NACC2: variants seen among roughly 807,000 people sequenced by gnomAD.
NACC2 encodes nucleus accumbens-associated protein 2.
A neutral mutation model predicts 25.1 loss-of-function variants in NACC2; 8 were observed. The observed-to-expected ratio is 0.32, with a 90% confidence interval of 0.19 to 0.57. The LOEUF is 0.57. NACC2 is among the 20% of genes least tolerant of loss of function. The pLI, the probability that NACC2 is intolerant of heterozygous loss-of-function variation, is 0.89. For missense variants in NACC2, 644 were observed against 650.2 expected, an observed-to-expected ratio of 0.99 and a Z score of 0.10; for synonymous variants, 435 against 294.7, an observed-to-expected ratio of 1.48 and a Z score of -4.88.
chr9:136,056,118 G>A lies in NACC2; in HGVS notation c.-59-5538C>T, dbSNP rs890964198. On this transcript the variant is annotated intron_variant, in intron 1 of 5. Coordinates refer to ENST00000277554, the MANE Select transcript of NACC2 (RefSeq NM_144653.5). ...AGGACAAGGGGGCGGCAGGGGGCCC[G>A]GAGGTTAACCCTGGGGGGTAGAGGC... Among the ~76,000 whole-genome samples, 11 of 152,148 alleles carry A rather than the reference G, an allele frequency of 7.2e-5. No homozygotes were observed. The East Asian group carries it at 8.0e-4, about 11-fold the overall frequency.
intron 1 of NACC2, among the ~76,000 whole-genome samples, chr9:136,093,125 C>T (rs1382061438): frequency 6.6e-6 from 1 of 152,122 alleles, no homozygotes; most frequent in East Asian, 1.9e-4. Context: ...CTCAACATCC[C>T]GAAAAGGACA....
intron 2 of NACC2, among the ~76,000 whole-genome samples, chr9:136,026,343 C>CAAAAAAAAAAAAAAAAAAAA (rs34514433): frequency 2.2e-5 from 1 of 45,544 alleles, no homozygotes; most frequent in Admixed American, 2.8e-4. Flanking sequence ...AACTCCATCT[C>CAAAAAAAAAAAAAAAAAAAA]AAAAAAAAAA....
chr9:136,011,761 C>T lies in NACC2; in HGVS notation c.1519G>A (p.Val507Met), dbSNP rs889531237. ...AERRGDAATI[V>M]ALRTDAVNVD... ...TTCACGGCGTCAGTTCTCAGAGCCA[C>T]GATGGTGGCGGCGTCGCCCCGCCGC... The change falls in exon 6 of 6, where the codon GTG becomes ATG. Residue 507 changes from valine to methionine, a missense_variant. Val to Met is a conservative substitution (Grantham distance 21). Coordinates refer to ENST00000277554, the MANE Select transcript of NACC2 (RefSeq NM_144653.5). The T allele has an allele frequency of 1.1e-5, 17 of 1,539,758 alleles. No individual in the cohort carries two copies. In the African/African-American group the frequency reaches 1.9e-4, roughly 18 times the overall value.
chr9:136,060,899 A>C lies in NACC2; in HGVS notation c.-59-10319T>G, dbSNP rs1025840447. On this transcript the variant is annotated intron_variant, in intron 1 of 5. Transcript: ENST00000277554. ...CTCTGCATCCAGGAAGCCCCCCAAC[A>C]CAGCCAGTCCCTGAGAGACTGGGTA... Among the ~76,000 whole-genome samples, 13 of 151,958 alleles carry C rather than the reference A, an allele frequency of 8.6e-5. No individual in the cohort carries two copies. The East Asian group carries it at 2.5e-3, about 29-fold the overall frequency.
At chr9:136,014,203 G>T (rs530097458) in intron 3 of NACC2, among the ~76,000 whole-genome samples, 1 of 152,220 alleles carries the variant, frequency 6.6e-6, no homozygotes, top group Admixed American at 6.5e-5. Context: ...TAAGCAGGGG[G>T]TGGGGAAAGC....
chr9:136,090,440 C>T (rs1042244094), intron 1 of NACC2, among the ~76,000 whole-genome samples: 7 of 152,184 alleles, frequency 4.6e-5, no homozygotes, highest in South Asian at 2.1e-4. Flanking sequence ...GCCCACTGGG[C>T]GGAAGCCCCA....
At chr9:136,054,865 C>T (rs1840901081) in intron 1 of NACC2, among the ~76,000 whole-genome samples, 1 of 152,152 alleles carries the variant, frequency 6.6e-6, no homozygotes, top group Non-Finnish European at 1.5e-5. Context: ...CACCAACGAC[C>T]CTTGCTCTCA....
In NACC2 at chr9:136,007,514, CACACACAG is replaced by C. The variant is rs56335898; in HGVS notation, c.*3994_*4001del. The C allele has an allele frequency of 0.42, 34,187 of 80,476 alleles. 4,735 individuals are homozygous for C. The highest frequency in any genetic ancestry group is 0.54 in the Non-Finnish European group (21,333 of 39,736). 5.0% of individuals were successfully genotyped at this position (80,476 alleles called of 1,614,324 possible). On this transcript the variant is annotated 3_prime_UTR_variant, in exon 6 of 6. Transcript: ENST00000277554. ...ACAGACACACACATGCACAGACGCGCACACACAGACGCACAGACGTGCACACACAGACA... is the reference window on the plus strand; with the variant it reads ...ACAGACACACACATGCACAGACGCGCACGCACAGACGTGCACACACAGACA...
intron 1 of NACC2, among the ~76,000 whole-genome samples, chr9:136,083,621 G>C (rs1041314966): frequency 2.0e-5 from 3 of 152,166 alleles, no homozygotes; most frequent in African/African-American, 7.2e-5. Flanking sequence ...GCCGAGACTG[G>C]CACGAGACGG....
intron 1 of NACC2, among the ~76,000 whole-genome samples, chr9:136,067,752 T>C (rs1206392823): frequency 1.3e-5 from 2 of 152,148 alleles, no homozygotes; most frequent in African/African-American, 4.8e-5. Context: ...GGAGAATCAC[T>C]TGAACCCGGG....
rs1202872358 is a variant in NACC2, at chr9:136,049,896, ACCGCAGCCC to A, written c.617_625del (p.Gly206_Ala208del). The A allele has an allele frequency of 5.5e-5, 32 of 584,916 alleles. No individual in the cohort carries two copies. Among genetic ancestry groups the A allele is most frequent in the Non-Finnish European group, 8.9e-5 (29 of 325,058 alleles). 36.2% of individuals were successfully genotyped at this position (584,916 alleles called of 1,614,324 possible). On this transcript the variant is annotated inframe_deletion, in exon 2 of 6. Coordinates refer to ENST00000277554, the MANE Select transcript of NACC2 (RefSeq NM_144653.5). ...TTTGAGAGGGGCTGTGCCCGCCGCCACCGCAGCCCCCGCGGCCACCGCCACGCCGTCCCG... is the reference window on the plus strand; with the variant it reads ...TTTGAGAGGGGCTGTGCCCGCCGCCACCGCGGCCACCGCCACGCCGTCCCG...
At chr9:136,092,947 G>A (rs192498945) in intron 1 of NACC2, among the ~76,000 whole-genome samples, 6 of 152,310 alleles carry the variant, frequency 3.9e-5, no homozygotes, top group South Asian at 2.1e-4. Context: ...GGCAGCCTGG[G>A]GACAGTGTGT....
At position 136,060,383 on chromosome 9, in the gene NACC2, C is replaced by T. The variant is rs117162508; in HGVS notation, c.-59-9803G>A. 5.9e-4 allele frequency among the ~76,000 whole-genome samples: 90 copies of T among 152,320 alleles called. 1 individual carries two copies. In the East Asian group the frequency reaches 0.014, roughly 23 times the overall value. On this transcript the variant is annotated intron_variant, in intron 1 of 5. Transcript: ENST00000277554. ...AGCCGGGGCCATAAAAGGTAATTAC[C>T]GATATGAAAAATAAAGACCATAAAT...
At chr9:136,087,599 G>A (rs1830391780) in intron 1 of NACC2, among the ~76,000 whole-genome samples, 1 of 152,222 alleles carries the variant, frequency 6.6e-6, no homozygotes. Context: ...CCTTGGGCTG[G>A]CCCTAGACCT....
At chr9:136,041,739 G>GAACGTGTACTTTA (rs1840636005) in intron 2 of NACC2, among the ~76,000 whole-genome samples, 2 of 152,158 alleles carry the variant, frequency 1.3e-5, no homozygotes, top group South Asian at 4.1e-4. Context: ...TTAAACAGAT[G>GAACGTGTACTTTA]AACAGTATGG....
chr9:136,078,602 T>C (rs1465038925), intron 1 of NACC2, among the ~76,000 whole-genome samples: 1 of 152,148 alleles, frequency 6.6e-6, no homozygotes, highest in African/African-American at 2.4e-5. Context: ...AATGTACTCC[T>C]AGGCCATAAA....
At chr9:136,046,838 G>C (rs1840732953) in intron 2 of NACC2, among the ~76,000 whole-genome samples, 1 of 152,200 alleles carries the variant, frequency 6.6e-6, no homozygotes, top group Non-Finnish European at 1.5e-5. Flanking sequence ...CAGACCATGG[G>C]GCGGGGGCTG....
chr9:136,006,586 G>A lies in NACC2; in HGVS notation c.*4930C>T, dbSNP rs996699678. 10 of 152,238 alleles carry A rather than the reference G, an allele frequency of 6.6e-5. No individual in the cohort carries two copies. The highest frequency in any genetic ancestry group is 2.4e-4 in the African/African-American group (10 of 41,472). The allele number at this position is 152,238 out of a possible 1,614,324, so 9.4% of individuals were successfully genotyped here. A position where few individuals can be genotyped will look rare whatever the true frequency, so the allele number is the denominator to read the frequency against. On this transcript the variant is annotated 3_prime_UTR_variant, in exon 6 of 6. Coordinates refer to ENST00000277554, the MANE Select transcript of NACC2 (RefSeq NM_144653.5). ...TTTGTAAATGTGAATTTTACAAAGC[G>A]CTTTACAATTAATGATCACATCCTT...
chr9:136,049,751 G>A lies in NACC2; in HGVS notation c.771C>T (p.Thr257=), dbSNP rs1291599569. ...TSPGASSLPT[T]DSPTSYHNEE... is the part of the protein sequence containing the mutation. Reference sequence around the variant, plus strand: ...CGTTGTGGTACGAGGTGGGGCTGTCGGTGGTGGGCAGGCTGCTGGCGCCTG... The same window carrying A: ...CGTTGTGGTACGAGGTGGGGCTGTCAGTGGTGGGCAGGCTGCTGGCGCCTG... Residue 257 remains threonine, a synonymous_variant, in exon 2 of 6, where the codon ACC becomes ACT. Coordinates refer to ENST00000277554, the MANE Select transcript of NACC2 (RefSeq NM_144653.5). 3.9e-6 allele frequency: 3 copies of A among 778,076 alleles called. No homozygotes were observed. The highest frequency in any genetic ancestry group is 1.7e-5 in the Admixed American group (1 of 58,778). 48.2% of individuals were successfully genotyped at this position (778,076 alleles called of 1,614,324 possible).
Sources: allele counts gnomAD v4.1 joint callset (sites outside exome capture counted in the v4.1 genomes callset), GRCh38; gene constraint gnomAD v4.1.1; transcripts MANE v1.5; gene names NCBI Gene and HGNC (gene_info 2026-07-23, HGNC 2026-07-21).